CSNK2A3: variants seen among roughly 807,000 people sequenced by gnomAD.
CSNK2A3 encodes the protein casein kinase II subunit alpha 3.
Under a neutral mutation model 36.5 loss-of-function variants are expected in CSNK2A3, and 31 were observed. The observed-to-expected ratio is 0.85, with a 90% confidence interval of 0.64 to 1.15. CSNK2A3 has a LOEUF of 1.15. Among genes scored for constraint, CSNK2A3 ranks in the 50% most tolerant of loss-of-function variants. The probability of loss-of-function intolerance (pLI) is 0.00; values close to 1 mark genes in which losing one functional copy is unlikely to be tolerated. For missense variants in CSNK2A3, 443 were observed against 487.2 expected, an observed-to-expected ratio of 0.91 and a Z score of 0.85; for synonymous variants, 152 against 176.3, an observed-to-expected ratio of 0.86 and a Z score of 1.09.
Position 11,352,281 on chromosome 11 carries a change from C to A in CSNK2A3, c.839G>T (p.Arg280Leu). The A allele has an allele frequency of 2.5e-6, 4 of 1,614,080 alleles. No individual in the cohort carries two copies. Among genetic ancestry groups the A allele is most frequent in the Non-Finnish European group, 3.4e-6 (4 of 1,180,026 alleles). Residue 280 changes from arginine to leucine, a missense_variant, in exon 1 of 1, where the codon CGA becomes CTA. By Grantham distance (102) the Arg-to-Leu change is moderately radical. Coordinates refer to ENST00000528848, the MANE Select transcript of CSNK2A3 (RefSeq NM_001256686.2). Reference sequence around the variant, plus strand: ...TTCACTGTGGACAAAGCGTTCCCATCGCTTTCGAGAGTGTCTGCCCAAGAT... The same window carrying A: ...TTCACTGTGGACAAAGCGTTCCCATAGCTTTCGAGAGTGTCTGCCCAAGAT... ...NDILGRHSRK[R>L]WERFVHSENQ...
rs2896585 is a variant in CSNK2A3 at position 11,352,736 on chromosome 11, T to C, written c.384A>G (p.Leu128=). 6.2e-7 allele frequency: 1 copy of C among 1,614,122 alleles called. No individual in the cohort carries two copies. Among genetic ancestry groups the C allele is most frequent in the East Asian group, 2.2e-5 (1 of 44,876 alleles). The change falls in exon 1 of 1, where the codon TTA becomes TTG. Residue 128 remains leucine, a synonymous_variant. Coordinates refer to ENST00000528848, the MANE Select transcript of CSNK2A3 (RefSeq NM_001256686.2). ...TGTAAAATCGAATATCATAGTCTGT[T>C]AACGTCTGGTACAATTGCTTGAAGT... is the stretch of plus-strand genomic sequence containing the variant. ...NTDFKQLYQT[L]TDYDIRFYMY... is the part of the protein sequence containing the mutation.
rs1169970620 is a variant in CSNK2A3, at chr11:11,352,440, A to G, written c.680T>C (p.Phe227Ser). ...RLGCMLASMI[F>S]RKEPFFHGRD... ...TCCATGGAAAAATGGCTCCTTCCGA[A>G]AGATCATACTTGCCAGCATACAACC... The change falls in exon 1 of 1, where the codon TTT (phenylalanine) becomes TCT (serine). Residue 227 changes from phenylalanine (F) to serine (S), a missense_variant. Phe to Ser is a radical substitution (Grantham distance 155). Transcript: ENST00000528848. 1 of 1,614,178 alleles carries G rather than the reference A, an allele frequency of 6.2e-7. No individual in the cohort carries two copies. Among genetic ancestry groups the G allele is most frequent in the Admixed American group, 1.7e-5 (1 of 60,026 alleles).
In CSNK2A3 at chr11:11,352,770, T is replaced by C. The variant is rs1850442017; in HGVS notation, c.350A>G (p.Asn117Ser). 6.2e-7 allele frequency: 1 copy of C among 1,614,170 alleles called. No homozygotes were observed. The highest frequency in any genetic ancestry group is 8.5e-7 in the Non-Finnish European group (1 of 1,180,022). Residue 117 changes from asparagine to serine, a missense_variant, in exon 1 of 1, where the codon AAC (asparagine) becomes AGC (serine). Asn to Ser is a conservative substitution (Grantham distance 46, BLOSUM62 1). Transcript: ENST00000528848. ...GTACAATTGCTTGAAGTCTGTGTTG[T>C]TTACGTGTTCAAAAACCAAGGCGGG... is the stretch of plus-strand genomic sequence containing the variant. ...RTPALVFEHV[N>S]NTDFKQLYQT...
In CSNK2A3 at chr11:11,353,129, G is replaced by A. The variant is rs758648808; in HGVS notation, c.-10C>T. ...GCACGGGTCCCGACATGTCAGACAGGTTGGCGGACAAAGCTGGACTTGATG... is the reference window on the plus strand; with the variant it reads ...GCACGGGTCCCGACATGTCAGACAGATTGGCGGACAAAGCTGGACTTGATG... On this transcript the variant is annotated 5_prime_UTR_variant, in exon 1 of 1. Coordinates refer to ENST00000528848, the MANE Select transcript of CSNK2A3 (RefSeq NM_001256686.2). The A allele has an allele frequency of 3.1e-6, 5 of 1,613,634 alleles. No individual in the cohort carries two copies. In the Admixed American group the frequency reaches 8.3e-5, roughly 27 times the overall value.
In CSNK2A3 at chr11:11,352,333, T is replaced by C; in HGVS notation, c.787A>G (p.Ile263Val). The stretch of plus-strand genomic sequence containing the variant: ...TCATTGAAACGTGGATCTAATTCAA[T>C]GTTGTATTTGTCAATATAGCCATAT... ...DLYGYIDKYN[I>V]ELDPRFNDIL... The change falls in exon 1 of 1, where the codon ATT becomes GTT. Residue 263 changes from isoleucine to valine, a missense_variant. Transcript: ENST00000528848. The C allele has an allele frequency of 1.2e-6, 2 of 1,614,146 alleles. No individual in the cohort carries two copies. Among genetic ancestry groups the C allele is most frequent in the Admixed American group, 1.7e-5 (1 of 60,020 alleles).
In CSNK2A3 at chr11:11,352,835, G is replaced by A. The variant is rs764963238; in HGVS notation, c.285C>T (p.Ile95=). ...LENLRGGPNI[I]TLADIVKDPV... is the part of the protein sequence containing the mutation. ...GGTCTTTTACAATGTCTGCCAGTGT[G>A]ATGATGTTGGGACCTCCTCTCAAAT... The change falls in exon 1 of 1, where the codon ATC becomes ATT. Residue 95 remains isoleucine, a synonymous_variant. Coordinates refer to ENST00000528848, the MANE Select transcript of CSNK2A3 (RefSeq NM_001256686.2). The A allele has an allele frequency of 6.2e-7, 1 of 1,614,216 alleles. No individual in the cohort carries two copies. The highest frequency in any genetic ancestry group is 1.3e-5 in the African/African-American group (1 of 75,048).
In CSNK2A3 at chr11:11,352,813, C is replaced by T. The variant is rs760028962; in HGVS notation, c.307G>A (p.Asp103Asn). ...AAGGCGGGGGTTCGTGACACAGGGT[C>T]TTTTACAATGTCTGCCAGTGTGATG... ...NIITLADIVK[D>N]PVSRTPALVF... is the part of the protein sequence containing the mutation. Residue 103 changes from aspartate to asparagine, a missense_variant, in exon 1 of 1, where the codon GAC becomes AAC. Physicochemically the swap from Asp to Asn is conservative, Grantham distance 23. Transcript: ENST00000528848. 1.2e-6 allele frequency: 2 copies of T among 1,614,032 alleles called. No homozygotes were observed. The highest frequency in any genetic ancestry group is 1.7e-5 in the Admixed American group (1 of 59,998).
chr11:11,352,993 G>C lies in CSNK2A3; in HGVS notation c.127C>G (p.Arg43Gly). Residue 43 changes from arginine to glycine, a missense_variant, in exon 1 of 1, where the codon CGA becomes GGA. Transcript: ENST00000528848. Reference protein sequence around the residue: ...WGNQDDYQLVRKLGRGKYSEV... With the variant: ...WGNQDDYQLVGKLGRGKYSEV... ...CTGTATTTACCTCGGCCTAATTTTC[G>C]AACCAGCTGGTAGTCATCTTGATTT... The C allele has an allele frequency of 6.2e-7, 1 of 1,614,008 alleles. No homozygotes were observed. The highest frequency in any genetic ancestry group is 1.1e-5 in the South Asian group (1 of 91,062).
In CSNK2A3 at chr11:11,352,443, A is replaced by C; in HGVS notation, c.677T>G (p.Ile226Ser). The C allele has an allele frequency of 6.2e-7, 1 of 1,614,186 alleles. No homozygotes were observed. Among genetic ancestry groups the C allele is most frequent in the Non-Finnish European group, 8.5e-7 (1 of 1,180,020 alleles). ...ATGGAAAAATGGCTCCTTCCGAAAG[A>C]TCATACTTGCCAGCATACAACCCAA... The part of the protein sequence containing the change: ...WRLGCMLASM[I>S]FRKEPFFHGR... Residue 226 changes from isoleucine to serine, a missense_variant, in exon 1 of 1, where the codon ATC (isoleucine) becomes AGC (serine). Ile to Ser is a moderately radical substitution (Grantham distance 142). Coordinates refer to ENST00000528848, the MANE Select transcript of CSNK2A3 (RefSeq NM_001256686.2).
rs749678556 is a variant in CSNK2A3, at chr11:11,352,339, A to G, written c.781T>C (p.Tyr261His). Reference protein sequence around the residue: ...TEDLYGYIDKYNIELDPRFND... With the variant: ...TEDLYGYIDKHNIELDPRFND... ...AAACGTGGATCTAATTCAATGTTGT[A>G]TTTGTCAATATAGCCATATAAATCT... Residue 261 changes from tyrosine to histidine, a missense_variant, in exon 1 of 1, where the codon TAC becomes CAC. Tyr to His is a moderately conservative substitution (Grantham distance 83). Coordinates refer to ENST00000528848, the MANE Select transcript of CSNK2A3 (RefSeq NM_001256686.2). The G allele has an allele frequency of 1.4e-5, 22 of 1,613,908 alleles. No individual in the cohort carries two copies. Among genetic ancestry groups the G allele is most frequent in the African/African-American group, 1.3e-5 (1 of 74,868 alleles).
rs1179062575 is a variant in CSNK2A3 at position 11,352,053 on chromosome 11, G to A, written c.1067C>T (p.Ser356Phe). Residue 356 changes from serine (S) to phenylalanine (F), a missense_variant, in exon 1 of 1, where the codon TCT becomes TTT. Ser to Phe is a radical substitution (Grantham distance 155). Transcript: ENST00000528848. ...VSSANVMSGISSVPTPSPLGP... is the reference protein window; with the variant it reads ...VSSANVMSGIFSVPTPSPLGP... ...AAGGGGTGAAGGAGTTGGCACTGAA[G>A]AAATCCCTGACATCACATTGGCGCT... 1 of 1,613,802 alleles carries A rather than the reference G, an allele frequency of 6.2e-7. No individual in the cohort carries two copies. Among genetic ancestry groups the A allele is most frequent in the Non-Finnish European group, 8.5e-7 (1 of 1,179,972 alleles).
Position 11,352,668 on chromosome 11 carries a change from C to T in CSNK2A3, c.452G>A (p.Gly151Glu), listed in dbSNP as rs1408970183. 1.2e-6 allele frequency: 2 copies of T among 1,614,108 alleles called. No individual in the cohort carries two copies. The highest frequency in any genetic ancestry group is 2.2e-5 in the East Asian group (1 of 44,860). ...GGGCTTGACATCTCTGTGCATAATT[C>T]CCATGCTGTGACAATAATCCAGGGC... ...LKALDYCHSM[G>E]IMHRDVKPHN... is the part of the protein sequence containing the mutation. The change falls in exon 1 of 1, where the codon GGA (glycine) becomes GAA (glutamate). Residue 151 changes from glycine (G) to glutamate (E), a missense_variant. Transcript: ENST00000528848.
chr11:11,352,361 A>G lies in CSNK2A3; in HGVS notation c.759T>C (p.Asp253=). ...VRIAKFLGTE[D]LYGYIDKYNI... ...TGTATTTGTCAATATAGCCATATAA[A>G]TCTTCTGTCCCCAGAAACTTGGCTA... Residue 253 remains aspartate (D), a synonymous_variant, in exon 1 of 1, where the codon GAT becomes GAC. Transcript: ENST00000528848. The G allele has an allele frequency of 6.2e-7, 1 of 1,614,098 alleles. No homozygotes were observed. Among genetic ancestry groups the G allele is most frequent in the Admixed American group, 1.7e-5 (1 of 60,008 alleles).
chr11:11,352,036 A>G lies in CSNK2A3; in HGVS notation c.1084T>C (p.Ser362Pro). Residue 362 changes from serine (S) to proline (P), a missense_variant, in exon 1 of 1, where the codon TCA becomes CCA. Transcript: ENST00000528848. ...GAGCCTGCCAGAGGTCCAAGGGGTG[A>G]AGGAGTTGGCACTGAAGAAATCCCT... Reference protein sequence around the residue: ...MSGISSVPTPSPLGPLAGSPV... With the variant: ...MSGISSVPTPPPLGPLAGSPV... 5 of 1,613,644 alleles carry G rather than the reference A, an allele frequency of 3.1e-6. No individual in the cohort carries two copies. Among genetic ancestry groups the G allele is most frequent in the Non-Finnish European group, 3.4e-6 (4 of 1,179,920 alleles).
chr11:11,352,119 A>C lies in CSNK2A3; in HGVS notation c.1001T>G (p.Met334Arg). 1 of 1,613,604 alleles carries C rather than the reference A, an allele frequency of 6.2e-7. No individual in the cohort carries two copies. Among genetic ancestry groups the C allele is most frequent in the Non-Finnish European group, 8.5e-7 (1 of 1,179,982 alleles). The change falls in exon 1 of 1, where the codon ATG (methionine) becomes AGG (arginine). Residue 334 changes from methionine to arginine, a missense_variant. Met to Arg is a moderately conservative substitution (Grantham distance 91). Transcript: ENST00000528848. The stretch of plus-strand genomic sequence containing the variant: ...GCCCCCTGGCATGCTAGATGAACCC[A>C]TTCGAGCCTGGTCCTTCACAACAGT... ...FYTVVKDQAR[M>R]GSSSMPGGST...
In CSNK2A3 at chr11:11,352,418, A is replaced by G; in HGVS notation, c.702T>C (p.His234=). 1 of 1,614,164 alleles carries G rather than the reference A, an allele frequency of 6.2e-7. No individual in the cohort carries two copies. The highest frequency in any genetic ancestry group is 8.5e-7 in the Non-Finnish European group (1 of 1,180,006). Residue 234 remains histidine, a synonymous_variant, in exon 1 of 1, where the codon CAT becomes CAC. Coordinates refer to ENST00000528848, the MANE Select transcript of CSNK2A3 (RefSeq NM_001256686.2). ...SMIFRKEPFF[H]GRDNYDQLVR... Reference sequence around the variant, plus strand: ...CCAACTGATCATAATTGTCACGTCCATGGAAAAATGGCTCCTTCCGAAAGA... The same window carrying G: ...CCAACTGATCATAATTGTCACGTCCGTGGAAAAATGGCTCCTTCCGAAAGA...
chr11:11,353,093 G>A lies in CSNK2A3; in HGVS notation c.27C>T (p.Ala9=), dbSNP rs559030633. MSGPVPSR[A]RVYTDVNTHR... is the part of the protein sequence containing the mutation. ...GTGTATTAACATCTGTGTAAACTCTGGCCCTGCTTGGCACGGGTCCCGACA... is the reference window on the plus strand; with the variant it reads ...GTGTATTAACATCTGTGTAAACTCTAGCCCTGCTTGGCACGGGTCCCGACA... Residue 9 remains alanine, a synonymous_variant, in exon 1 of 1, where the codon GCC becomes GCT. Coordinates refer to ENST00000528848, the MANE Select transcript of CSNK2A3 (RefSeq NM_001256686.2). 396 of 1,614,120 alleles carry A rather than the reference G, an allele frequency of 2.5e-4. 1 individual carries two copies. In the African/African-American group the frequency reaches 4.6e-3, roughly 19 times the overall value.
rs780316019 is a variant in CSNK2A3, at chr11:11,353,134, C to T, written c.-15G>A. 37 of 1,613,526 alleles carry T rather than the reference C, an allele frequency of 2.3e-5. 1 individual carries two copies. The Middle Eastern group carries it at 3.6e-3, about 159-fold the overall frequency. The stretch of plus-strand genomic sequence containing the variant: ...GGTCCCGACATGTCAGACAGGTTGG[C>T]GGACAAAGCTGGACTTGATGTTTGG... On this transcript the variant is annotated 5_prime_UTR_variant, in exon 1 of 1. Transcript: ENST00000528848.
Position 11,352,781 on chromosome 11 carries a change from A to G in CSNK2A3, c.339T>C (p.Phe113=), listed in dbSNP as rs993236126. 1 of 1,614,176 alleles carries G rather than the reference A, an allele frequency of 6.2e-7. No individual in the cohort carries two copies. The highest frequency in any genetic ancestry group is 8.5e-7 in the Non-Finnish European group (1 of 1,180,036). ...TGAAGTCTGTGTTGTTTACGTGTTC[A>G]AAAACCAAGGCGGGGGTTCGTGACA... is the stretch of plus-strand genomic sequence containing the variant. The part of the protein sequence containing the change: ...DPVSRTPALV[F]EHVNNTDFKQ... The change falls in exon 1 of 1, where the codon TTT becomes TTC. Residue 113 remains phenylalanine, a synonymous_variant. Transcript: ENST00000528848.
Sources: gnomAD v4.1 joint callset for allele counts on GRCh38, gnomAD v4.1.1 for gene constraint, MANE v1.5 for transcripts, NCBI Gene and HGNC (gene_info 2026-07-23, HGNC 2026-07-21) for gene names.